The following GNG7 variants were observed in gnomAD, a reference collection of about 807,000 sequenced individuals.
GNG7 encodes G protein subunit gamma 7.
In GNG7, 1 loss-of-function variant was observed where a neutral mutation model predicts 4.0. That is an observed-to-expected ratio of 0.25 (90% CI 0.09 to 1.18). The LOEUF (loss-of-function observed/expected upper bound fraction) is 1.18, where lower values mean the gene tolerates loss of function less well. Ranked by LOEUF, GNG7 falls within the 50% of genes most tolerant of loss-of-function variation. GNG7 has a pLI of 0.50. For synonymous variants in GNG7, 34 were observed against 36.9 expected, an observed-to-expected ratio of 0.92 and a Z score of 0.29; for missense variants, 86 against 91.9, an observed-to-expected ratio of 0.94 and a Z score of 0.26.
intron 1 of GNG7, among the ~76,000 whole-genome samples, chr19:2,693,415 C>CAAAAAAAAAAAAAAAAA (rs146155053): frequency 1.2e-5 from 1 of 80,366 alleles, no homozygotes. Flanking sequence ...GACTCTGCCT[C>CAAAAAAAAAAAAAAAAA]AAAAAAAAAA....
chr19:2,635,684 T>G (rs8108495), intron 2 of GNG7, among the ~76,000 whole-genome samples: 132,925 of 151,954 alleles, frequency 0.87, 58,460 homozygotes, highest in East Asian at 0.98. Flanking sequence ...CCAGGTTCAA[T>G]TGATTCTCCT....
chr19:2,681,665 A>G (rs1983739195), intron 1 of GNG7, among the ~76,000 whole-genome samples: 1 of 152,198 alleles, frequency 6.6e-6, no homozygotes, highest in Non-Finnish European at 1.5e-5. Flanking sequence ...GAAACACTGT[A>G]TGTAACCACT....
chr19:2,529,392 AT>A (rs1712386408), intron 3 of GNG7, among the ~76,000 whole-genome samples: 1 of 151,024 alleles, frequency 6.6e-6, no homozygotes, highest in Non-Finnish European at 1.5e-5. Context: ...TAATTTTTGT[AT>A]TTTTAGTGGA....
chr19:2,525,902 CG>C (rs1978376619), intron 3 of GNG7, among the ~76,000 whole-genome samples: 1 of 149,688 alleles, frequency 6.7e-6, no homozygotes, highest in South Asian at 2.1e-4. Context: ...CTCCGCCTTC[CG>C]GGTTCAAGCG....
chr19:2,572,591 C>T (rs1401747896), intron 2 of GNG7, among the ~76,000 whole-genome samples: 1 of 147,678 alleles, frequency 6.8e-6, no homozygotes, highest in Admixed American at 6.9e-5. Context: ...GCCACCGCGC[C>T]CGGCCCTTTT....
chr19:2,655,390 T>C (rs1333305588), intron 1 of GNG7, among the ~76,000 whole-genome samples: 1 of 152,044 alleles, frequency 6.6e-6, no homozygotes, highest in Non-Finnish European at 1.5e-5. Context: ...TTAGAATGGC[T>C]ATGATCCAAA....
At chr19:2,638,490 GA>G (rs1982387886) in intron 2 of GNG7, among the ~76,000 whole-genome samples, 1 of 21,978 alleles carries the variant, frequency 4.6e-5, no homozygotes, top group Non-Finnish European at 1.1e-4. Flanking sequence ...AGGGGAAGGG[GA>G]GGGGAGGGGA....
intron 2 of GNG7, among the ~76,000 whole-genome samples, chr19:2,562,707 C>T (rs911233336): frequency 6.6e-6 from 1 of 152,096 alleles, no homozygotes; most frequent in African/African-American, 2.4e-5. Context: ...GGATCGCTCC[C>T]AGCGTACACT....
intron 2 of GNG7, among the ~76,000 whole-genome samples, chr19:2,566,083 G>C (rs894433929): frequency 6.6e-6 from 1 of 152,082 alleles, no homozygotes; most frequent in Non-Finnish European, 1.5e-5. Flanking sequence ...GCTTGAACCT[G>C]GGAGGCGGAG....
At chr19:2,553,140 AAAG>A (rs1568240758) in intron 3 of GNG7, among the ~76,000 whole-genome samples, 3 of 151,424 alleles carry the variant, frequency 2.0e-5, no homozygotes, top group Admixed American at 1.3e-4. Context: ...AAAAAAAAAA[AAAG>A]AGGAAATAAG....
At chr19:2,646,141 G>T (rs138152750) in intron 2 of GNG7, 83 bp downstream of exon 2, 1 of 152,188 alleles carries the variant, frequency 6.6e-6, no homozygotes, top group African/African-American at 2.4e-5. Context: ...CCGCCTTGAC[G>T]GCAACCCCAC....
rs576382034 is a variant in GNG7 at position 2,562,323 on chromosome 19, G to A, written c.-77-7135C>T. 2.1e-4 allele frequency among the ~76,000 whole-genome samples: 32 copies of A among 150,484 alleles called. No individual in the cohort carries two copies. The South Asian group carries it at 5.5e-3, about 26-fold the overall frequency. ...TTTTGAGACAGAGTCTGGCTCTGTC[G>A]CCCAGGCTGGAGTGCAGTGGCGCGA... is the stretch of plus-strand genomic sequence containing the variant. On this transcript the variant is annotated intron_variant, in intron 2 of 4. Transcript: ENST00000382159.
chr19:2,651,323 CTCCCTCCCTACCTTCCCTCCA>C (rs1982815933), intron 1 of GNG7, among the ~76,000 whole-genome samples: 3 of 72,586 alleles, frequency 4.1e-5, no homozygotes, highest in South Asian at 7.0e-4. Flanking sequence ...CCCTCCCTCC[CTCCCTCCCTACCTTCCCTCCA>C]TCCCTCCCTC....
In GNG7 at chr19:2,697,792, C is replaced by G. The variant is rs530205398; in HGVS notation, c.-135+4854G>C. 1.7e-3 allele frequency among the ~76,000 whole-genome samples: 253 copies of G among 151,142 alleles called. 1 individual carries two copies. The highest frequency in any genetic ancestry group is 5.6e-3 in the African/African-American group (229 of 41,182). ...CAACATGGTGAGGGCCCCGTCCCCCCCCCCGCCCGTCTCTACTAAAAATAC... is the reference window on the plus strand; with the variant it reads ...CAACATGGTGAGGGCCCCGTCCCCCGCCCCGCCCGTCTCTACTAAAAATAC... On this transcript the variant is annotated intron_variant, in intron 1 of 4. Transcript: ENST00000382159.
At chr19:2,619,150 G>A (rs1326668461) in intron 2 of GNG7, among the ~76,000 whole-genome samples, 1 of 152,208 alleles carries the variant, frequency 6.6e-6, no homozygotes, top group Non-Finnish European at 1.5e-5. Flanking sequence ...ATATCCGTAA[G>A]TAGAAGGCAT....
chr19:2,569,066 T>A (rs879678027), intron 2 of GNG7, among the ~76,000 whole-genome samples: 3 of 150,836 alleles, frequency 2.0e-5, no homozygotes, highest in Non-Finnish European at 4.4e-5. Context: ...CGCACACACA[T>A]ACACACAAGC....
intron 4 of GNG7, among the ~76,000 whole-genome samples, chr19:2,518,079 G>T (rs991588119): frequency 1.3e-5 from 2 of 152,198 alleles, no homozygotes; most frequent in Admixed American, 1.3e-4. Flanking sequence ...TGGCATTGTG[G>T]CTCCAGCACG....
At chr19:2,598,550 G>A (rs1214875425) in intron 2 of GNG7, among the ~76,000 whole-genome samples, 2 of 151,648 alleles carry the variant, frequency 1.3e-5, no homozygotes, top group Non-Finnish European at 1.5e-5. Flanking sequence ...CCAGCTACTC[G>A]GGAGGCTGAG....
rs35639922 is a variant in GNG7, at chr19:2,525,971, A to ATTTTTTTTTTTTTTTTTTTTTTTTTTT, written c.-37-5247_-37-5246insAAAAAAAAAAAAAAAAAAAAAAAAAAA. 7.5e-4 allele frequency among the ~76,000 whole-genome samples: 57 copies of ATTTTTTTTTTTTTTTTTTTTTTTTTTT among 75,668 alleles called. 11 individuals carry two copies. The highest frequency in any genetic ancestry group is 1.1e-3 in the Non-Finnish European group (49 of 43,516). The allele number at this position is 75,668 out of a possible 152,430, so 49.6% of individuals were successfully genotyped here. ...ATTACAGGTGCCTGCCTCCACGCCAATTTTTTTTTTTTTTTTTGAGACAGA... is the reference window on the plus strand; with the variant it reads ...ATTACAGGTGCCTGCCTCCACGCCAATTTTTTTTTTTTTTTTTTTTTTTTTTTTTTTTTTTTTTTTTTTTGAGACAGA... On this transcript the variant is annotated intron_variant, in intron 3 of 4. Transcript: ENST00000382159.
Sources: allele counts gnomAD v4.1 joint callset (sites outside exome capture counted in the v4.1 genomes callset), GRCh38; gene constraint gnomAD v4.1.1; transcripts MANE v1.5; gene names NCBI Gene and HGNC (gene_info 2026-07-23, HGNC 2026-07-21).